Variants in ZNF831 observed in about 807,000 individuals in gnomAD.
The protein encoded by ZNF831 is zinc finger protein 831.
A neutral mutation model predicts 95.8 loss-of-function variants in ZNF831; 59 were observed. The observed-to-expected ratio is 0.62, with a 90% CI of 0.50 to 0.77. The LOEUF (loss-of-function observed/expected upper bound fraction) is 0.77, where lower values mean the gene tolerates loss of function less well. ZNF831 is among the 30% of genes least tolerant of loss of function. The probability of loss-of-function intolerance (pLI) is 0.00; values close to 1 mark genes in which losing one functional copy is unlikely to be tolerated. For synonymous variants in ZNF831, 961 were observed against 925.5 expected, an observed-to-expected ratio of 1.04 and a Z score of -0.70; for missense variants, 2,205 against 2,164.0, an observed-to-expected ratio of 1.02 and a Z score of -0.38.
chr20:59,189,895 G>A (rs193274227), intron 1 of ZNF831, among the ~76,000 whole-genome samples: 2 of 152,216 alleles, frequency 1.3e-5, no homozygotes, highest in African/African-American at 4.8e-5. Flanking sequence ...AACGGAGCTG[G>A]GGATGGGTGA....
chr20:59,203,751 T>C (rs1170494264), intron 3 of ZNF831, among the ~76,000 whole-genome samples: 3 of 152,156 alleles, frequency 2.0e-5, no homozygotes, highest in East Asian at 3.9e-4. Context: ...GTAATGAAAA[T>C]GGTTGTTTTC....
chr20:59,237,290 A>G (rs964175966), intron 4 of ZNF831, among the ~76,000 whole-genome samples: 2 of 152,214 alleles, frequency 1.3e-5, no homozygotes, highest in East Asian at 3.9e-4. Flanking sequence ...CTAAGAGGAT[A>G]GCAGGGCTGT....
At position 59,193,262 on chromosome 20, in the gene ZNF831, T is replaced by C. The variant is rs759213864; in HGVS notation, c.2243T>C (p.Leu748Pro). 2 of 1,607,846 alleles carry C rather than the reference T, an allele frequency of 1.2e-6. No homozygotes were observed. The highest frequency in any genetic ancestry group is 1.7e-5 in the Admixed American group (1 of 59,216). ...DSPCSGSRSPLVSPNGRLELG... is the reference protein window; with the variant it reads ...DSPCSGSRSPPVSPNGRLELG... ...CCCTGTTCAGGCAGTAGGAGCCCCC[T>C]GGTCTCTCCAAATGGGAGGCTGGAA... is the stretch of plus-strand genomic sequence containing the variant. The change falls in exon 2 of 6, where the codon CTG becomes CCG. Residue 748 changes from leucine (L) to proline (P), a missense_variant. Physicochemically the swap from Leu to Pro is moderately conservative, Grantham distance 98. Transcript: ENST00000371030.
At chr20:59,210,602 G>GCCCA (rs1985231914) in intron 4 of ZNF831, among the ~76,000 whole-genome samples, 3 of 152,158 alleles carry the variant, frequency 2.0e-5, no homozygotes, top group Admixed American at 6.5e-5. Flanking sequence ...TGGTGACCCT[G>GCCCA]GGGGCCTCAG....
intron 1 of ZNF831, among the ~76,000 whole-genome samples, chr20:59,177,491 A>G (rs1982262488): frequency 6.6e-6 from 1 of 152,168 alleles, no homozygotes; most frequent in African/African-American, 2.4e-5. Context: ...CTCTTACCCC[A>G]GGTACCAGCA....
In ZNF831 at chr20:59,193,407, G is replaced by A. The variant is rs758596952; in HGVS notation, c.2388G>A (p.Gln796=). ...GTGCCCGAGGTGTGGGGGATGTTCAGGAGACCTGCCTGTGGGCCCAGACTG... is the reference window on the plus strand; with the variant it reads ...GTGCCCGAGGTGTGGGGGATGTTCAAGAGACCTGCCTGTGGGCCCAGACTG... ...EGGARGVGDV[Q]ETCLWAQTVL... Residue 796 remains glutamine (Q), a synonymous_variant, in exon 2 of 6, where the codon CAG becomes CAA. Coordinates refer to ENST00000371030, the MANE Select transcript of ZNF831 (RefSeq NM_178457.3). 2 of 1,600,132 alleles carry A rather than the reference G, an allele frequency of 1.2e-6. No individual in the cohort carries two copies. Among genetic ancestry groups the A allele is most frequent in the Non-Finnish European group, 1.7e-6 (2 of 1,173,508 alleles).
chr20:59,199,126 TCTATCTATCAC>T (rs1220295122), intron 3 of ZNF831, among the ~76,000 whole-genome samples: 3 of 118,818 alleles, frequency 2.5e-5, no homozygotes, highest in African/African-American at 9.7e-5. Flanking sequence ...TATCTATCTA[TCTATCTATCAC>T]GTAACCCTTG....
chr20:59,206,620 C>T (rs1009273504), intron 3 of ZNF831, among the ~76,000 whole-genome samples: 26 of 152,212 alleles, frequency 1.7e-4, no homozygotes, highest in African/African-American at 5.5e-4. Flanking sequence ...AGCTTAAAAC[C>T]TAATTGCAGC....
upstream of ZNF831, among the ~76,000 whole-genome samples, chr20:59,163,272 T>C (rs1300867378): frequency 1.3e-5 from 2 of 152,220 alleles, no homozygotes; most frequent in Non-Finnish European, 2.9e-5. Flanking sequence ...TTTTCCTATT[T>C]GGATGCCTTT....
chr20:59,201,788 T>C (rs1364486743), intron 3 of ZNF831, among the ~76,000 whole-genome samples: 3 of 152,346 alleles, frequency 2.0e-5, no homozygotes, highest in South Asian at 2.1e-4. Flanking sequence ...TGAGACTTAT[T>C]ATAAAGCTAA....
intron 2 of ZNF831, among the ~76,000 whole-genome samples, chr20:59,152,159 G>A (rs552638078): frequency 2.6e-5 from 4 of 152,250 alleles, no homozygotes; most frequent in South Asian, 2.1e-4. Flanking sequence ...ACCAGCTTAG[G>A]TGCTAGAAAG....
chr20:59,163,014 GGTGTGTGTGTGTGTGTGT>G, upstream of ZNF831, among the ~76,000 whole-genome samples: 1 of 136,528 alleles, frequency 7.3e-6, no homozygotes. Flanking sequence ...TGTATTCCTA[GGTGTGTGTGTGTGTGTGT>G]GTGTGTGTGT....
chr20:59,182,139 C>CTATTA (rs1568743725), intron 1 of ZNF831, among the ~76,000 whole-genome samples: 1 of 152,126 alleles, frequency 6.6e-6, no homozygotes. Flanking sequence ...CTCCCTGCTG[C>CTATTA]GTGGATTAGA....
chr20:59,124,930 G>A lies in ZNF831; in HGVS notation c.-1425+1425G>A, dbSNP rs114751352. Among the ~76,000 whole-genome samples the A allele has an allele frequency of 8.8e-3, 1,341 of 152,324 alleles. 13 individuals are homozygous for A. The highest frequency in any genetic ancestry group is 0.03 in the African/African-American group (1,259 of 41,564). On this transcript the variant is annotated intron_variant, in intron 1 of 7. Coordinates refer to the ZNF831 transcript ENST00000637017. ...CACGGGGTCAAGTCTGATTGGAGGC[G>A]ATCATTTCTGGCTGTCACATTCCTT...
intron 4 of ZNF831, among the ~76,000 whole-genome samples, chr20:59,207,795 A>G (rs556295910): frequency 2.6e-5 from 4 of 152,232 alleles, no homozygotes; most frequent in African/African-American, 9.6e-5. Flanking sequence ...TCTGGCCAGC[A>G]GTGCCTGAAT....
Position 59,150,821 on chromosome 20 carries a change from C to T in ZNF831, c.-1281+4447C>T, listed in dbSNP as rs114394449. ...GGGAGGTTGGTGTGGCGCACCCGAACGCTCAGTCAGCTCCTGGCCTGTCTC... is the reference window on the plus strand; with the variant it reads ...GGGAGGTTGGTGTGGCGCACCCGAATGCTCAGTCAGCTCCTGGCCTGTCTC... On this transcript the variant is annotated intron_variant, in intron 2 of 7. Transcript: ENST00000637017. 9.3e-3 allele frequency among the ~76,000 whole-genome samples: 1,419 copies of T among 152,332 alleles called. 14 individuals are homozygous for T. Among genetic ancestry groups the T allele is most frequent in the African/African-American group, 0.031 (1,308 of 41,566 alleles).
In ZNF831 at chr20:59,217,789, T is replaced by A. The variant is rs146097296; in HGVS notation, c.4027+10733T>A. On this transcript the variant is annotated intron_variant, in intron 4 of 5. Transcript: ENST00000371030. This position sits in a 1 kb window ranked among gnomAD's most constrained non-coding sequence, Gnocchi z 4.4. ...GACTCGTTTATTTATTTATTTATTT[T>A]TTTAAATCACAGAGAAGTAAGTTTC... Among the ~76,000 whole-genome samples, 931 of 152,282 alleles carry A rather than the reference T, an allele frequency of 6.1e-3. 34 individuals are homozygous for A. The highest frequency in any genetic ancestry group is 0.051 in the Admixed American group (779 of 15,290).
Position 59,193,145 on chromosome 20 carries a change from A to C in ZNF831, c.2126A>C (p.Lys709Thr), listed in dbSNP as rs1983755110. 3 of 1,576,980 alleles carry C rather than the reference A, an allele frequency of 1.9e-6. No individual in the cohort carries two copies. In the African/African-American group the frequency reaches 4.1e-5, roughly 21 times the overall value. Residue 709 changes from lysine (K) to threonine (T), a missense_variant, in exon 2 of 6, where the codon AAG becomes ACG. Transcript: ENST00000371030. ...GCCTCCTTGGTGACTGAACCCACTA[A>C]GCATGGGGAGACGGTGGCCAGGAGA... Reference protein sequence around the residue: ...LEASLVTEPTKHGETVARRGD... With the variant: ...LEASLVTEPTTHGETVARRGD...
chr20:59,252,885 G>C (rs1484334647), intron 4 of ZNF831, 93 bp from the exon 5 acceptor site: 8 of 1,373,664 alleles, frequency 5.8e-6, no homozygotes, highest in Non-Finnish European at 7.9e-6. Flanking sequence ...TGAGCTCAGA[G>C]GCGATCAAGA....
Sources: gnomAD v4.1 joint callset for allele counts (sites outside exome capture counted in the v4.1 genomes callset) on GRCh38, gnomAD v4.1.1 for gene constraint, Gnocchi (gnomAD v3.1) non-coding constraint, MANE v1.5 for transcripts, NCBI Gene and HGNC (gene_info 2026-07-23, HGNC 2026-07-21) for gene names.